EPHA5: variants seen among roughly 807,000 people sequenced by gnomAD.
The protein encoded by EPHA5 is ephrin type-A receptor 5.
A neutral mutation model predicts 105.0 loss-of-function variants in EPHA5; 60 were observed. That is an observed-to-expected ratio of 0.57 (90% CI 0.46 to 0.71). EPHA5 has a LOEUF of 0.71. Ranked by LOEUF, EPHA5 falls within the 30% of genes least tolerant of loss-of-function variation. The pLI, the probability that EPHA5 is intolerant of heterozygous loss-of-function variation, is 0.00. For synonymous variants in EPHA5, 513 were observed against 449.1 expected (o/e 1.14, Z -1.80); for missense variants, 1,218 against 1,274.7 (o/e 0.96, Z 0.68).
In EPHA5 at chr4:65,569,670, C is replaced by T. The variant is rs199846099; in HGVS notation, c.910+31971G>A. ...ATATTTTCACACATGAAAGCAAAAA[C>T]AAAATGAATGACCATTAATTATTCA... On this transcript the variant is annotated intron_variant, in intron 3 of 16. Transcript: ENST00000613740. Among the ~76,000 whole-genome samples the T allele has an allele frequency of 4.0e-5, 6 of 151,580 alleles. No individual in the cohort carries two copies. In the East Asian group the frequency reaches 1.2e-3, roughly 29 times the overall value.
chr4:65,398,662 A>C (rs1489555387), intron 8 of EPHA5, among the ~76,000 whole-genome samples: 1 of 152,176 alleles, frequency 6.6e-6, no homozygotes, highest in African/African-American at 2.4e-5. Flanking sequence ...GGACTCAGCC[A>C]GACTGGGGAG....
intron 7 of EPHA5, 129 bp from the exon 8 acceptor site, chr4:65,404,608 CT>C: frequency 1.5e-6 from 1 of 673,740 alleles, no homozygotes. Context: ...GAAATTTCCC[CT>C]AATATCCTTT....
chr4:65,525,555 A>G, intron 3 of EPHA5, among the ~76,000 whole-genome samples: 1 of 151,854 alleles, frequency 6.6e-6, no homozygotes, highest in Non-Finnish European at 1.5e-5. Flanking sequence ...TACTGCACCC[A>G]TTGGAACCAT....
At chr4:65,651,691 A>G (rs72642683) in intron 1 of EPHA5, among the ~76,000 whole-genome samples, 17 of 152,304 alleles carry the variant, frequency 1.1e-4, no homozygotes, top group Non-Finnish European at 2.1e-4. Context: ...CATCACCACA[A>G]AGATGTTATA....
intron 8 of EPHA5, among the ~76,000 whole-genome samples, chr4:65,384,205 G>C (rs1032796895): frequency 6.6e-6 from 1 of 151,812 alleles, no homozygotes; most frequent in African/African-American, 2.4e-5. Flanking sequence ...ATACTCTCCC[G>C]ACCATCTCTG....
chr4:65,587,634 C>T (rs941784676), intron 3 of EPHA5, among the ~76,000 whole-genome samples: 3 of 152,088 alleles, frequency 2.0e-5, no homozygotes, highest in Non-Finnish European at 4.4e-5. Context: ...AAGTCTAGTT[C>T]GGTTCCTGAC....
At chr4:65,401,443 A>G (rs1404148033) in intron 8 of EPHA5, among the ~76,000 whole-genome samples, 1 of 152,130 alleles carries the variant, frequency 6.6e-6, no homozygotes, top group African/African-American at 2.4e-5. Context: ...GAAGAGTACA[A>G]TACAATGGCC....
chr4:65,494,259 G>A (rs1314313293), intron 4 of EPHA5, among the ~76,000 whole-genome samples: 2 of 152,146 alleles, frequency 1.3e-5, no homozygotes, highest in Admixed American at 6.5e-5. Context: ...ATGAAATTTA[G>A]ACACTATGAA....
intron 16 of EPHA5, among the ~76,000 whole-genome samples, chr4:65,326,204 T>G (rs563273261): frequency 3.7e-4 from 56 of 151,094 alleles, no homozygotes; most frequent in African/African-American, 1.3e-3. Context: ...TAAATTTCCT[T>G]TTATGGATGA....
intron 3 of EPHA5, among the ~76,000 whole-genome samples, chr4:65,529,401 T>A (rs1235531916): frequency 6.6e-6 from 1 of 152,154 alleles, no homozygotes; most frequent in Non-Finnish European, 1.5e-5. Flanking sequence ...TACCTATGTT[T>A]ATCTGTGTGC....
At chr4:65,511,964 T>G (rs574453255) in intron 3 of EPHA5, among the ~76,000 whole-genome samples, 1 of 152,240 alleles carries the variant, frequency 6.6e-6, no homozygotes, top group African/African-American at 2.4e-5. Flanking sequence ...TGACAATAAT[T>G]GAAAAAAAAT....
At chr4:65,482,852 T>C (rs77575577) in intron 5 of EPHA5, among the ~76,000 whole-genome samples, 1 of 66,960 alleles carries the variant, frequency 1.5e-5, no homozygotes, top group African/African-American at 5.1e-5. Flanking sequence ...TTTTTTTTTT[T>C]AGAGGATCTT....
At chr4:65,580,129 T>A in intron 3 of EPHA5, among the ~76,000 whole-genome samples, 1 of 151,946 alleles carries the variant, frequency 6.6e-6, no homozygotes, top group East Asian at 1.9e-4. Flanking sequence ...TAATGTTTAG[T>A]CACTTTTTGA....
At chr4:65,366,127 C>T (rs2148893465) in intron 9 of EPHA5, 70 bp from the exon 10 acceptor site, 1 of 1,418,800 alleles carries the variant, frequency 7.0e-7, no homozygotes, top group Non-Finnish European at 9.7e-7. Flanking sequence ...ACTTTATTAA[C>T]ATGCAAGTAT....
At chr4:65,521,625 G>T (rs1209471295) in intron 3 of EPHA5, among the ~76,000 whole-genome samples, 1 of 151,750 alleles carries the variant, frequency 6.6e-6, no homozygotes, top group Admixed American at 6.6e-5. Context: ...TTTTAATTTT[G>T]GGGGGTATCC....
In EPHA5 at chr4:65,332,105, T is replaced by C. The variant is rs56312931; in HGVS notation, c.2813A>G (p.His938Arg). Residue 938 changes from histidine to arginine, a missense_variant, in exon 16 of 17, where the codon CAT becomes CGT. Coordinates refer to ENST00000613740, the MANE Select transcript of EPHA5 (RefSeq NM_001281766.3). ...SCRVSNLLAE[H>R]SPLGSGAYRS... ...GTAGGCCCCAGATCCTAGTGGGCTATGTTCTGCCAATAAATTAGATACTCT... is the reference window on the plus strand; with the variant it reads ...GTAGGCCCCAGATCCTAGTGGGCTACGTTCTGCCAATAAATTAGATACTCT... 4.4e-4 allele frequency: 710 copies of C among 1,603,354 alleles called. 3 individuals carry two copies. In the East Asian group the frequency reaches 0.014, roughly 32 times the overall value.
chr4:65,527,353 G>C (rs79925108), intron 3 of EPHA5, among the ~76,000 whole-genome samples: 4 of 152,008 alleles, frequency 2.6e-5, no homozygotes, highest in African/African-American at 9.7e-5. Context: ...CAAGTTATAC[G>C]TGAAATATTT....
At chr4:65,546,316 T>G in intron 3 of EPHA5, among the ~76,000 whole-genome samples, 1 of 152,020 alleles carries the variant, frequency 6.6e-6, no homozygotes, top group Admixed American at 6.6e-5. Flanking sequence ...AACATTTATG[T>G]GTCTTCTCAG....
At chr4:65,441,698 G>T (rs1026689351) in intron 5 of EPHA5, among the ~76,000 whole-genome samples, 1 of 151,918 alleles carries the variant, frequency 6.6e-6, no homozygotes, top group Non-Finnish European at 1.5e-5. Flanking sequence ...CTGTTTAAAA[G>T]AACTACTGAC....
Sources: gnomAD v4.1 joint callset for allele counts (sites outside exome capture counted in the v4.1 genomes callset) on GRCh38, gnomAD v4.1.1 for gene constraint, MANE v1.5 for transcripts, NCBI Gene and HGNC (gene_info 2026-07-23, HGNC 2026-07-21) for gene names.